The following OSBPL10 variants were observed in gnomAD, a reference collection of about 807,000 sequenced individuals.
OSBPL10 encodes the protein oxysterol-binding protein-related protein 10.
OSBPL10 carries 49 observed loss-of-function variants against 81.7 expected under a neutral mutation model. The ratio of observed to expected loss-of-function variants is 0.60; its 90% CI spans 0.48 to 0.76. OSBPL10 has a LOEUF of 0.76. OSBPL10 is among the 30% of genes least tolerant of loss of function. The pLI is 0.00. For synonymous variants in OSBPL10, 419 were observed against 383.6 expected, an observed-to-expected ratio of 1.09 and a Z score of -1.08; for missense variants, 923 against 987.8, an observed-to-expected ratio of 0.93 and a Z score of 0.88.
intron 1 of OSBPL10, among the ~76,000 whole-genome samples, chr3:31,945,795 T>C (rs754924054): frequency 6.6e-6 from 1 of 152,156 alleles, no homozygotes; most frequent in Admixed American, 6.5e-5. Context: ...ACCTGGAGAA[T>C]ATTTGAGCCT....
chr3:31,924,021 A>T (rs1023002778), intron 1 of OSBPL10, among the ~76,000 whole-genome samples: 4 of 152,158 alleles, frequency 2.6e-5, no homozygotes, highest in African/African-American at 7.2e-5. Context: ...GTTCAAGACC[A>T]GCCTGGCCAA....
At chr3:31,800,546 A>G (rs1310510382) in intron 4 of OSBPL10, among the ~76,000 whole-genome samples, 1 of 152,216 alleles carries the variant, frequency 6.6e-6, no homozygotes, top group African/African-American at 2.4e-5. Context: ...CAACCTAAGG[A>G]GCATTTCCTT....
chr3:31,922,887 A>G (rs907913476), intron 1 of OSBPL10, among the ~76,000 whole-genome samples: 2 of 152,140 alleles, frequency 1.3e-5, no homozygotes, highest in Non-Finnish European at 2.9e-5. Context: ...CTCAGCAACA[A>G]TAACCTTCTA....
chr3:31,847,091 CAACCCAATGTCTCAT>C (rs1336134128), intron 3 of OSBPL10, among the ~76,000 whole-genome samples: 1 of 152,240 alleles, frequency 6.6e-6, no homozygotes, highest in Non-Finnish European at 1.5e-5. Flanking sequence ...AAGGATCCCC[CAACCCAATGTCTCAT>C]TCTCCCCTTT....
At chr3:31,984,403 G>C (rs965008389), upstream of OSBPL10, among the ~76,000 whole-genome samples, 3 of 151,890 alleles carry the variant, frequency 2.0e-5, no homozygotes, top group Non-Finnish European at 2.9e-5. Flanking sequence ...TGGGGAAGCT[G>C]ATAGATTGGG....
chr3:31,899,717 A>G (rs1384215991), intron 1 of OSBPL10, among the ~76,000 whole-genome samples: 2 of 152,186 alleles, frequency 1.3e-5, no homozygotes, highest in Non-Finnish European at 2.9e-5. Context: ...GCAGTGGTTC[A>G]TGCCAATAAT....
chr3:31,727,674 C>A (rs1696850912), intron 6 of OSBPL10, among the ~76,000 whole-genome samples: 1 of 152,152 alleles, frequency 6.6e-6, no homozygotes. Context: ...TATGTGCCAC[C>A]TGTTTCAAAC....
At chr3:31,822,913 T>TCAAAAAAAAAAAAA (rs1700012989) in intron 4 of OSBPL10, among the ~76,000 whole-genome samples, 1 of 89,146 alleles carries the variant, frequency 1.1e-5, no homozygotes, top group Non-Finnish European at 2.3e-5. Context: ...CCCCCAACTC[T>TCAAAAAAAAAAAAA]AAAAAAAAAA....
intron 2 of OSBPL10, among the ~76,000 whole-genome samples, chr3:32,006,654 A>G (rs1381507971): frequency 6.6e-6 from 1 of 152,184 alleles, no homozygotes; most frequent in African/African-American, 2.4e-5. Context: ...ACCTAATTTT[A>G]CTTTTCTCCA....
At chr3:31,747,461 T>G (rs546810507) in intron 5 of OSBPL10, among the ~76,000 whole-genome samples, 7 of 123,160 alleles carry the variant, frequency 5.7e-5, no homozygotes, top group African/African-American at 2.2e-4. Context: ...AGGTACCCAC[T>G]GAATGGAATG....
chr3:31,830,197 A>C lies in OSBPL10; in HGVS notation c.572T>G (p.Leu191Trp), dbSNP rs1700206903. 1.9e-6 allele frequency: 3 copies of C among 1,614,114 alleles called. No homozygotes were observed. In the South Asian group the frequency reaches 3.3e-5, roughly 18 times the overall value. Reference protein sequence around the residue: ...APSSRSRSLTLLPHGTPNSAS... With the variant: ...APSSRSRSLTWLPHGTPNSAS... ...AGAATTGGGTGTTCCATGTGGGAGC[A>C]AAGTGAGACTTCGGCTTCGGGAGCT... The change falls in exon 4 of 12, where the codon TTG (leucine) becomes TGG (tryptophan). Residue 191 changes from leucine (L) to tryptophan (W), a missense_variant. Transcript: ENST00000396556.
At chr3:31,988,690 A>G in intron 2 of OSBPL10, 1 of 223,312 alleles carries the variant, frequency 4.5e-6, no homozygotes, top group Non-Finnish European at 8.9e-6. Context: ...GCCATGACAT[A>G]AGGATACTCA....
chr3:31,837,372 TATA>T (rs1700385146), intron 3 of OSBPL10, among the ~76,000 whole-genome samples: 1 of 27,570 alleles, frequency 3.6e-5, no homozygotes, highest in East Asian at 2.8e-3. Context: ...TATATATATA[TATA>T]GTAAGTAACA....
At chr3:31,785,078 T>C (rs1698828173) in intron 4 of OSBPL10, among the ~76,000 whole-genome samples, 1 of 151,754 alleles carries the variant, frequency 6.6e-6, no homozygotes, top group Non-Finnish European at 1.5e-5. Flanking sequence ...AGAGATGGGG[T>C]TTCCCTCTAT....
intron 3 of OSBPL10, among the ~76,000 whole-genome samples, chr3:31,869,668 A>G (rs1701271551): frequency 6.6e-6 from 1 of 152,084 alleles, no homozygotes; most frequent in African/African-American, 2.4e-5. Flanking sequence ...AGGATGGGAG[A>G]TGGAAAGAAG....
chr3:31,684,142 C>A (rs1234632820), intron 7 of OSBPL10, 28 bp from the exon 8 acceptor site: 1 of 1,606,316 alleles, frequency 6.2e-7, no homozygotes, highest in Non-Finnish European at 8.5e-7. Flanking sequence ...CAAAGTCAGA[C>A]AATCCCTGGG....
intron 3 of OSBPL10, among the ~76,000 whole-genome samples, chr3:31,860,122 G>GA (rs1701022931): frequency 6.6e-6 from 1 of 152,130 alleles, no homozygotes; most frequent in African/African-American, 2.4e-5. Flanking sequence ...CTGAGTCAAT[G>GA]AAAAGCCTTT....
chr3:32,026,057 TGATAGATA>T (rs11385805), intron 2 of OSBPL10, among the ~76,000 whole-genome samples: 85 of 111,336 alleles, frequency 7.6e-4, no homozygotes, highest in Middle Eastern at 4.3e-3. Context: ...GATAGATAGA[TGATAGATA>T]GATAGATAGA....
chr3:31,856,672 A>G (rs1417168607), intron 3 of OSBPL10, among the ~76,000 whole-genome samples: 1 of 152,188 alleles, frequency 6.6e-6, no homozygotes, highest in Non-Finnish European at 1.5e-5. Context: ...CTTTTCACCC[A>G]ATGATTTGGG....
Sources: gnomAD v4.1 joint callset for allele counts (sites outside exome capture counted in the v4.1 genomes callset) on GRCh38, gnomAD v4.1.1 for gene constraint, MANE v1.5 for transcripts, NCBI Gene and HGNC (gene_info 2026-07-23, HGNC 2026-07-21) for gene names.